The following AGBL1 variants were observed in gnomAD, a reference collection of about 807,000 sequenced individuals.
AGBL1 encodes cytosolic carboxypeptidase 4.
A neutral mutation model predicts 118.9 loss-of-function variants in AGBL1; 130 were observed. The ratio of observed to expected loss-of-function variants is 1.09; its 90% CI spans 0.95 to 1.26. The LOEUF (loss-of-function observed/expected upper bound fraction) is 1.26. AGBL1 is among the 50% of genes most tolerant of loss of function. The pLI, the probability that AGBL1 is intolerant of heterozygous loss-of-function variation, is 0.00. For missense variants in AGBL1, 1,584 were observed against 1,298.1 expected (o/e 1.22, Z -3.38); for synonymous variants, 555 against 478.9 (o/e 1.16, Z -2.08).
intron 17 of AGBL1, among the ~76,000 whole-genome samples, chr15:86,344,481 G>A (rs1214983324): frequency 1.3e-5 from 2 of 152,042 alleles, no homozygotes; most frequent in Non-Finnish European, 2.9e-5. Context: ...TGTACTGGCT[G>A]TGCAGCCATG....
At position 86,827,415 on chromosome 15, in the gene AGBL1, A is replaced by G. The variant is rs1235590330; in HGVS notation, c.3159-79672A>G. ...TATATATACATATATATATGTGTAT[A>G]TATATATATATATACACATATATAT... On this transcript the variant is annotated intron_variant, in intron 22 of 22. Transcript: ENST00000614907. 8.7e-4 allele frequency among the ~76,000 whole-genome samples: 7 copies of G among 8,074 alleles called. 3 individuals are homozygous for G. Among genetic ancestry groups the G allele is most frequent in the Non-Finnish European group, 1.2e-3 (7 of 5,696 alleles). The allele number at this position is 8,074 out of a possible 152,430, so 5.3% of individuals were successfully genotyped here. A position where few individuals can be genotyped will look rare whatever the true frequency, so the allele number is the denominator to read the frequency against.
chr15:86,848,409 G>T (rs1596547580), intron 22 of AGBL1, among the ~76,000 whole-genome samples: 1 of 152,166 alleles, frequency 6.6e-6, no homozygotes, highest in South Asian at 2.1e-4. Flanking sequence ...ATAGGTGAAA[G>T]AATTAATGAG....
At chr15:86,737,397 A>G (rs2077617758) in intron 22 of AGBL1, among the ~76,000 whole-genome samples, 1 of 152,220 alleles carries the variant, frequency 6.6e-6, no homozygotes, top group Non-Finnish European at 1.5e-5. Context: ...CTTAAGACAC[A>G]TTATTTCTGG....
chr15:86,489,216 T>C (rs760967531), intron 18 of AGBL1, among the ~76,000 whole-genome samples: 8 of 152,130 alleles, frequency 5.3e-5, no homozygotes, highest in Admixed American at 6.5e-5. Context: ...GACCAAAATC[T>C]CCTTATGATA....
At chr15:86,489,732 G>A (rs1398756251) in intron 18 of AGBL1, among the ~76,000 whole-genome samples, 2 of 152,130 alleles carry the variant, frequency 1.3e-5, no homozygotes, top group African/African-American at 4.8e-5. Flanking sequence ...GGCCTGTAAA[G>A]CCCAAGACAT....
intron 18 of AGBL1, among the ~76,000 whole-genome samples, chr15:86,461,990 AT>A (rs2082340147): frequency 6.6e-6 from 1 of 152,132 alleles, no homozygotes; most frequent in Non-Finnish European, 1.5e-5. Context: ...GCCCATACAA[AT>A]TCTTAGCTCT....
At chr15:86,863,113 T>G (rs187248805) in intron 22 of AGBL1, among the ~76,000 whole-genome samples, 5 of 152,266 alleles carry the variant, frequency 3.3e-5, no homozygotes, top group Admixed American at 3.3e-4. Flanking sequence ...GAGAGATAGA[T>G]TCCATGCGTA....
At chr15:86,394,402 C>G (rs780690818) in intron 17 of AGBL1, among the ~76,000 whole-genome samples, 5 of 152,150 alleles carry the variant, frequency 3.3e-5, no homozygotes, top group Admixed American at 6.6e-5. Flanking sequence ...ATATCATTCT[C>G]CCTACAACTA....
intron 22 of AGBL1, among the ~76,000 whole-genome samples, chr15:86,810,113 G>A (rs999819493): frequency 1.3e-5 from 2 of 152,016 alleles, no homozygotes; most frequent in South Asian, 2.1e-4. Context: ...AACTTGGGAA[G>A]GTTTTGTAAA....
intron 22 of AGBL1, among the ~76,000 whole-genome samples, chr15:86,707,001 A>G (rs932663549): frequency 6.6e-5 from 10 of 152,272 alleles, no homozygotes; most frequent in Non-Finnish European, 1.0e-4. Context: ...TGGACTTTGC[A>G]TTTACTGATA....
chr15:86,380,084 G>C (rs932329293), intron 17 of AGBL1, among the ~76,000 whole-genome samples: 1 of 152,088 alleles, frequency 6.6e-6, no homozygotes, highest in African/African-American at 2.4e-5. Context: ...CGTTAGGCTT[G>C]TATTAAATGA....
At chr15:86,736,379 CAA>C (rs5814261) in intron 22 of AGBL1, among the ~76,000 whole-genome samples, 8 of 137,918 alleles carry the variant, frequency 5.8e-5, no homozygotes, top group African/African-American at 2.1e-4. Context: ...AACTCTGTCT[CAA>C]AAAAAAAAAA....
At chr15:86,154,057 A>G (rs996266688) in intron 3 of AGBL1, among the ~76,000 whole-genome samples, 3 of 152,190 alleles carry the variant, frequency 2.0e-5, no homozygotes, top group Non-Finnish European at 4.4e-5. Flanking sequence ...TTGACATACT[A>G]CATTTGAATG....
intron 22 of AGBL1, among the ~76,000 whole-genome samples, chr15:86,730,305 A>G (rs1050566088): frequency 6.6e-6 from 1 of 152,200 alleles, no homozygotes; most frequent in African/African-American, 2.4e-5. Flanking sequence ...AAGAGAAACT[A>G]TCAACAGAGT....
intron 23 of AGBL1, among the ~76,000 whole-genome samples, chr15:86,982,966 C>T (rs755083299): frequency 4.6e-5 from 7 of 152,128 alleles, no homozygotes; most frequent in South Asian, 2.1e-4. Context: ...GATCAGAATA[C>T]GCCATTTTTT....
intron 18 of AGBL1, among the ~76,000 whole-genome samples, chr15:86,417,163 A>G (rs2081707266): frequency 6.6e-6 from 1 of 152,220 alleles, no homozygotes; most frequent in South Asian, 2.1e-4. Flanking sequence ...ATTTCCTCTC[A>G]TGTGAACTTA....
intron 5 of AGBL1, among the ~76,000 whole-genome samples, chr15:86,217,813 T>A (rs2078214133): frequency 6.6e-6 from 1 of 151,356 alleles, no homozygotes. Context: ...CCAGATTCAG[T>A]AGGGCCTCCT....
chr15:86,132,613 C>G (rs753018093), intron 1 of AGBL1, among the ~76,000 whole-genome samples: 2 of 152,128 alleles, frequency 1.3e-5, no homozygotes, highest in African/African-American at 4.8e-5. Flanking sequence ...AGAGATGGAG[C>G]CTGCTTTCCA....
At chr15:86,569,983 A>G (rs2083979098) in intron 21 of AGBL1, among the ~76,000 whole-genome samples, 1 of 152,258 alleles carries the variant, frequency 6.6e-6, no homozygotes, top group South Asian at 2.1e-4. Flanking sequence ...TTGTAAATGC[A>G]TAAGCCAGAT....
Sources: allele counts gnomAD v4.1 joint callset (sites outside exome capture counted in the v4.1 genomes callset), GRCh38; gene constraint gnomAD v4.1.1; transcripts MANE v1.5; gene names NCBI Gene and HGNC (gene_info 2026-07-23, HGNC 2026-07-21).